VPS13B: variants seen among roughly 807,000 people sequenced by gnomAD.
VPS13B encodes vacuolar protein sorting 13 homolog B, also known as intermembrane lipid transfer protein VPS13B.
VPS13B carries 285 observed loss-of-function variants against 426.4 expected under a neutral mutation model. That is an observed-to-expected ratio of 0.67 (90% confidence interval 0.61 to 0.74). The LOEUF is 0.74. Among genes scored for constraint, VPS13B ranks in the 30% least tolerant of loss-of-function variants. The probability of loss-of-function intolerance (pLI) is 0.00; values close to 1 mark genes in which losing one functional copy is unlikely to be tolerated. For missense variants in VPS13B, 4,537 were observed against 4,782.6 expected (o/e 0.95, Z 1.51); for synonymous variants, 1,676 against 1,676.4 (o/e 1.00, Z 0.01).
chr8:99,807,419 T>C (rs1172736084), intron 43 of VPS13B, among the ~76,000 whole-genome samples: 1 of 146,944 alleles, frequency 6.8e-6, no homozygotes, highest in African/African-American at 2.5e-5. Context: ...CCTTGCCTCA[T>C]TATTTTTTTT....
chr8:99,497,358 AAT>A lies in VPS13B; in HGVS notation c.3871-4326_3871-4325del, dbSNP rs1398328831. Among the ~76,000 whole-genome samples the A allele has an allele frequency of 2.7e-5, 4 of 146,466 alleles. No homozygotes were observed. The Admixed American group carries it at 2.8e-4, about 10-fold the overall frequency. ...CATAAAATACATATATACATAAAAT[AAT>A]ATGTATATATTTTATATTTAAATAT... On this transcript the variant is annotated intron_variant, in intron 25 of 61. Coordinates refer to ENST00000357162, the MANE Select transcript of VPS13B (RefSeq NM_152564.5).
chr8:99,676,631 TATTATTATGATATAAC>T (rs2129937150), intron 35 of VPS13B, among the ~76,000 whole-genome samples: 1 of 151,990 alleles, frequency 6.6e-6, no homozygotes, highest in East Asian at 1.9e-4. Flanking sequence ...CATCTTTTCA[TATTATTATGATATAAC>T]AAGGTACTGT....
chr8:99,450,280 C>A (rs952769708), intron 23 of VPS13B, among the ~76,000 whole-genome samples: 1 of 152,130 alleles, frequency 6.6e-6, no homozygotes, highest in Non-Finnish European at 1.5e-5. Context: ...GAAACCAAGT[C>A]AGGATAACTA....
At chr8:99,108,737 T>C (rs184026060) in intron 5 of VPS13B, among the ~76,000 whole-genome samples, 43 of 152,304 alleles carry the variant, frequency 2.8e-4, no homozygotes, top group Non-Finnish European at 5.1e-4. Flanking sequence ...TTCTTTTTGC[T>C]TGGGGTTGCT....
At chr8:99,678,413 C>T (rs1831027138) in intron 35 of VPS13B, among the ~76,000 whole-genome samples, 1 of 152,228 alleles carries the variant, frequency 6.6e-6, no homozygotes, top group South Asian at 2.1e-4. Flanking sequence ...CTTCTATGCC[C>T]TTACTAGATT....
At chr8:99,598,881 T>C (rs1276112064) in intron 33 of VPS13B, among the ~76,000 whole-genome samples, 1 of 151,944 alleles carries the variant, frequency 6.6e-6, no homozygotes, top group Non-Finnish European at 1.5e-5. Flanking sequence ...TAGTTAAAAA[T>C]TATGATTTTT....
intron 19 of VPS13B, among the ~76,000 whole-genome samples, chr8:99,304,277 T>C (rs1820525650): frequency 6.6e-6 from 1 of 152,178 alleles, no homozygotes. Context: ...ACAAATAAGA[T>C]AGTCTTTGTT....
Position 99,115,934 on chromosome 8 carries a change from T to C in VPS13B, c.937+60T>C, listed in dbSNP as rs1009402072. 11 of 1,543,502 alleles carry C rather than the reference T, an allele frequency of 7.1e-6. No individual in the cohort carries two copies. In the African/African-American group the frequency reaches 1.5e-4, roughly 21 times the overall value. On this transcript the variant is annotated intron_variant, in intron 7 of 61. Coordinates refer to ENST00000357162, the MANE Select transcript of VPS13B (RefSeq NM_152564.5). ...TTAAGACTATTCTTACGTTTTACCA[T>C]TGGGAAACTTTAAAAAATGTATTAG...
intron 2 of VPS13B, among the ~76,000 whole-genome samples, chr8:99,028,048 G>C (rs1454148085): frequency 6.6e-6 from 1 of 152,230 alleles, no homozygotes; most frequent in Non-Finnish European, 1.5e-5. Context: ...CAGATCAACA[G>C]GATCCCAAGG....
At chr8:99,267,855 G>T (rs1316221530) in intron 17 of VPS13B, among the ~76,000 whole-genome samples, 1 of 152,172 alleles carries the variant, frequency 6.6e-6, no homozygotes, top group African/African-American at 2.4e-5. Context: ...ATGTCTCCAG[G>T]GCATGTCAGA....
At chr8:99,660,999 T>G (rs946879262) in intron 34 of VPS13B, among the ~76,000 whole-genome samples, 4 of 152,126 alleles carry the variant, frequency 2.6e-5, no homozygotes, top group Non-Finnish European at 5.9e-5. Flanking sequence ...AAGATTGTCC[T>G]TTTTTCTTTG....
chr8:99,066,109 T>C (rs1356342297), intron 3 of VPS13B, among the ~76,000 whole-genome samples: 1 of 152,246 alleles, frequency 6.6e-6, no homozygotes, highest in Non-Finnish European at 1.5e-5. Context: ...GCCATCCCCA[T>C]GAAGCTACCA....
intron 54 of VPS13B, among the ~76,000 whole-genome samples, chr8:99,848,449 C>A (rs1320968127): frequency 6.6e-6 from 1 of 152,148 alleles, no homozygotes; most frequent in Non-Finnish European, 1.5e-5. Flanking sequence ...TCCATATGCA[C>A]ACATATAGTG....
chr8:99,689,491 G>A (rs1831557759), intron 35 of VPS13B, among the ~76,000 whole-genome samples: 2 of 152,058 alleles, frequency 1.3e-5, no homozygotes, highest in Non-Finnish European at 2.9e-5. Flanking sequence ...AGAAGGGTGT[G>A]CTGGCCAAAG....
chr8:99,292,375 G>A (rs1440518799), intron 19 of VPS13B, among the ~76,000 whole-genome samples: 1 of 152,188 alleles, frequency 6.6e-6, no homozygotes, highest in African/African-American at 2.4e-5. Flanking sequence ...TTGAAATCCT[G>A]GGAAAATAAG....
chr8:99,197,643 G>A (rs1438941484), intron 17 of VPS13B, among the ~76,000 whole-genome samples: 1 of 152,064 alleles, frequency 6.6e-6, no homozygotes, highest in Non-Finnish European at 1.5e-5. Context: ...TCTATCAGCT[G>A]TAATCTCTCC....
intron 39 of VPS13B, among the ~76,000 whole-genome samples, chr8:99,739,907 C>A (rs1000786878): frequency 6.6e-6 from 1 of 152,156 alleles, no homozygotes; most frequent in African/African-American, 2.4e-5. Context: ...CTCTAAAAAT[C>A]GGAGCACCAC....
intron 30 of VPS13B, among the ~76,000 whole-genome samples, chr8:99,542,634 CTT>C (rs1379862979): frequency 6.6e-6 from 1 of 152,072 alleles, no homozygotes; most frequent in East Asian, 1.9e-4. Context: ...GGAATTTGTG[CTT>C]TATTACATAG....
At chr8:99,365,624 C>A (rs571756743) in intron 19 of VPS13B, among the ~76,000 whole-genome samples, 5 of 149,270 alleles carry the variant, frequency 3.3e-5, no homozygotes, top group Non-Finnish European at 7.4e-5. Context: ...TCAAGCGATT[C>A]TTCTCCCTCA....
Sources: gnomAD v4.1 joint callset for allele counts (sites outside exome capture counted in the v4.1 genomes callset) on GRCh38, gnomAD v4.1.1 for gene constraint, MANE v1.5 for transcripts, NCBI Gene and HGNC (gene_info 2026-07-23, HGNC 2026-07-21) for gene names.